The following TEDC2 variants were observed in gnomAD, a reference collection of about 807,000 sequenced individuals.
TEDC2 encodes the protein tubulin epsilon and delta complex protein 2.
A neutral mutation model predicts 48.1 loss-of-function variants in TEDC2; 49 were observed. The ratio of observed to expected loss-of-function variants is 1.02; its 90% CI spans 0.81 to 1.29. The LOEUF is 1.29. Among genes scored for constraint, TEDC2 ranks in the 50% most tolerant of loss-of-function variants. TEDC2 has a pLI of 0.00. For synonymous variants in TEDC2, 299 were observed against 247.1 expected (o/e 1.21, Z -1.97); for missense variants, 631 against 571.4 (o/e 1.10, Z -1.06).
chr16:2,464,105 G>A lies in TEDC2; in HGVS notation c.1031G>A (p.Gly344Glu), dbSNP rs564633721. Reference sequence around the variant, plus strand: ...CCCCCCGGAGCCTCGCCGTCCTGTGGGGGTAGAGCGGAGCCTGCATGGAGC... The same window carrying A: ...CCCCCCGGAGCCTCGCCGTCCTGTGAGGGTAGAGCGGAGCCTGCATGGAGC... ...GRPPGASPSC[G>E]GRAEPAWSPQ... Residue 344 changes from glycine to glutamate, a missense_variant, in exon 9 of 10, where the codon GGG becomes GAG. Transcript: ENST00000361837. The A allele has an allele frequency of 5.0e-6, 8 of 1,612,880 alleles. No individual in the cohort carries two copies. In the African/African-American group the frequency reaches 6.7e-5, roughly 13 times the overall value.
chr16:2,462,631 C>A lies in TEDC2; in HGVS notation c.863C>A (p.Ala288Asp), dbSNP rs2065474117. 1 of 1,542,608 alleles carries A rather than the reference C, an allele frequency of 6.5e-7. No homozygotes were observed. Among genetic ancestry groups the A allele is most frequent in the Non-Finnish European group, 8.7e-7 (1 of 1,143,844 alleles). The change falls in exon 8 of 10, where the codon GCC becomes GAC. Residue 288 changes from alanine (A) to aspartate (D), a missense_variant and splice_region_variant. By Grantham distance (126) the Ala-to-Asp change is moderately radical (BLOSUM62 -2). Transcript: ENST00000361837. ...CCTGCTCTCCCTGACTCTTCTGCAG[C>A]CCCCATGGACTGGATGCAGGAGTAC... ...RLRMREELSA[A>D]PMDWMQEYRC...
rs775519119 is a variant in TEDC2, at chr16:2,462,103, C to G, written c.660-46C>G. On this transcript the variant is annotated intron_variant, in intron 5 of 9. Transcript: ENST00000361837. ...GGCCCAGCTTACTGGCTGGAATAAC[C>G]GTGTCCCTCTGTGGTTCCTCTGTGC... The G allele has an allele frequency of 1.0e-5, 16 of 1,585,174 alleles. No individual in the cohort carries two copies. In the African/African-American group the frequency reaches 1.6e-4, roughly 16 times the overall value.
chr16:2,464,873 G>A lies in TEDC2; in HGVS notation c.*205G>A. 1 of 661,626 alleles carries A rather than the reference G, an allele frequency of 1.5e-6. No homozygotes were observed. Among genetic ancestry groups the A allele is most frequent in the Admixed American group, 3.2e-5 (1 of 31,290 alleles). The allele number at this position is 661,626 out of a possible 1,614,324, so 41.0% of individuals were successfully genotyped here. On this transcript the variant is annotated 3_prime_UTR_variant, in exon 10 of 10. Transcript: ENST00000361837. ...TTCCTAAGGCTCCTGGACTCCAGAG[G>A]CCAGCGGGGAGCCTTTCCTGGCTCC...
At chr16:2,463,203 C>T (rs2065478543) in intron 8 of TEDC2, among the ~76,000 whole-genome samples, 1 of 152,150 alleles carries the variant, frequency 6.6e-6, no homozygotes, top group Non-Finnish European at 1.5e-5. Context: ...CGCCTGTAGT[C>T]CCAGCTACTT....
intron 8 of TEDC2, among the ~76,000 whole-genome samples, chr16:2,463,135 C>T (rs867045256): frequency 3.6e-4 from 54 of 151,028 alleles, no homozygotes; most frequent in South Asian, 2.1e-4. Flanking sequence ...TCCTGGCTAA[C>T]ACGGTGAAAC....
At position 2,462,333 on chromosome 16, in the gene TEDC2, G is replaced by A. The variant is rs1249092111; in HGVS notation, c.751-82G>A. On this transcript the variant is annotated intron_variant, in intron 6 of 9. Coordinates refer to ENST00000361837, the MANE Select transcript of TEDC2 (RefSeq NM_025108.3). Reference sequence around the variant, plus strand: ...CCCCAGGAGGGGCTGGCGTGGGATGGCCAGGGCCACTCCCCAGGCCCCGTT... The same window carrying A: ...CCCCAGGAGGGGCTGGCGTGGGATGACCAGGGCCACTCCCCAGGCCCCGTT... 3 of 1,601,716 alleles carry A rather than the reference G, an allele frequency of 1.9e-6. No homozygotes were observed. The East Asian group carries it at 6.7e-5, about 36-fold the overall frequency.
intron 7 of TEDC2, 49 bp from the exon 8 acceptor site, chr16:2,462,582 G>A (rs1254539014): frequency 6.4e-7 from 1 of 1,551,368 alleles, no homozygotes; most frequent in Non-Finnish European, 8.7e-7. Flanking sequence ...TGCAGGGAGG[G>A]TTTCCAGACT....
At chr16:2,464,254 G>T in intron 9 of TEDC2, 25 bp downstream of exon 9, 2 of 1,605,232 alleles carry the variant, frequency 1.2e-6, no homozygotes, top group South Asian at 1.1e-5. Context: ...GGAGGTGGGG[G>T]TGCAACAGAG....
chr16:2,462,646 TGC>T lies in TEDC2; in HGVS notation c.879_880del (p.Met293IlefsTer53), dbSNP rs916863232. 1.6e-5 allele frequency: 24 copies of T among 1,548,112 alleles called. No homozygotes were observed. The highest frequency in any genetic ancestry group is 1.4e-5 in the Non-Finnish European group (16 of 1,146,956). ...TCTTCTGCAGCCCCCATGGACTGGA[TGC>T]AGGAGTACCGCTGCCTGCTCACGCT... On this transcript the variant is annotated frameshift_variant, in exon 8 of 10. Coordinates refer to ENST00000361837, the MANE Select transcript of TEDC2 (RefSeq NM_025108.3). LOFTEE classifies it high-confidence loss of function.
rs370397912 is a variant in TEDC2, at chr16:2,464,631, G to C, written c.1265G>C (p.Arg422Pro). The C allele has an allele frequency of 6.2e-7, 1 of 1,612,898 alleles. No individual in the cohort carries two copies. The highest frequency in any genetic ancestry group is 8.5e-7 in the Non-Finnish European group (1 of 1,179,980). The change falls in exon 10 of 10, where the codon CGT becomes CCT. Residue 422 changes from arginine to proline, a missense_variant. Physicochemically the swap from Arg to Pro is moderately radical, Grantham distance 103. Transcript: ENST00000361837. ...AGCCTGCTCTGCGAGGGAGGAGCAC[G>C]TGTCCTTACCATCCTGCGGGATGAA... ...VHSLLCEGGA[R>P]VLTILRDEPA...
At chr16:2,461,538 G>T in intron 4 of TEDC2, 1 of 655,628 alleles carries the variant, frequency 1.5e-6, no homozygotes, top group Non-Finnish European at 2.6e-6. Context: ...CCGCTCACAG[G>T]GCCCCCTCTT....
In TEDC2 at chr16:2,460,887, G is replaced by C; in HGVS notation, c.268G>C (p.Val90Leu). ...CCAGGCACTGGAGAAGGCTGTACGA[G>C]TTCGAAGAGGCATCACTAAGGCCGG... Reference protein sequence around the residue: ...LTQALEKAVRVRRGITKAGER... With the variant: ...LTQALEKAVRLRRGITKAGER... The change falls in exon 4 of 10, where the codon GTT becomes CTT. Residue 90 changes from valine (V) to leucine (L), a missense_variant. Physicochemically the swap from Val to Leu is conservative, Grantham distance 32. Coordinates refer to ENST00000361837, the MANE Select transcript of TEDC2 (RefSeq NM_025108.3). The C allele has an allele frequency of 1.9e-6, 3 of 1,613,600 alleles. 1 individual carries two copies. The highest frequency in any genetic ancestry group is 2.2e-5 in the South Asian group (2 of 91,088).
rs1469120168 is a variant in TEDC2 at position 2,460,338 on chromosome 16, T to C, written c.82T>C (p.Leu28=). The C allele has an allele frequency of 1.3e-6, 2 of 1,541,608 alleles. No homozygotes were observed. The highest frequency in any genetic ancestry group is 2.5e-5 in the East Asian group (1 of 40,066). The change falls in exon 2 of 10, where the codon TTG becomes CTG. Residue 28 remains leucine, a synonymous_variant. Transcript: ENST00000361837. ...CGCCTGCGCACAGCGACAATTGCAA[T>C]TGGAGCAGAGCCTGCGCGTTTGCCG... ...LDACAQRQLQ[L]EQSLRVCRRL...
chr16:2,463,048 G>A lies in TEDC2; in HGVS notation c.964+316G>A, dbSNP rs374389720. On this transcript the variant is annotated intron_variant, in intron 8 of 9. Coordinates refer to ENST00000361837, the MANE Select transcript of TEDC2 (RefSeq NM_025108.3). ...AAAAACTAGCATGTGAGGGCCGGGC[G>A]CGGTGGCTCACGCCTGTAATCCCAG... Among the ~76,000 whole-genome samples, 13 of 152,056 alleles carry A rather than the reference G, an allele frequency of 8.5e-5. No homozygotes were observed. The East Asian group carries it at 1.6e-3, about 18-fold the overall frequency.
At chr16:2,461,572 C>T (rs1239125747) in intron 4 of TEDC2, 175 bp from the exon 5 acceptor site, 3 of 738,886 alleles carry the variant, frequency 4.1e-6, no homozygotes, top group East Asian at 2.7e-5. Context: ...CAGCACTGGA[C>T]GATGCTTCTC....
chr16:2,462,794 A>C, intron 8 of TEDC2, 62 bp downstream of exon 8: 1 of 1,433,282 alleles, frequency 7.0e-7, no homozygotes, highest in Non-Finnish European at 9.3e-7. Flanking sequence ...AGGGTGCTTT[A>C]GCCAGGCTTG....
At chr16:2,462,550 CAGG>C (rs767829707) in intron 7 of TEDC2, 24 bp downstream of exon 7, 54 of 1,579,190 alleles carry the variant, frequency 3.4e-5, no homozygotes, top group Admixed American at 1.1e-4. Context: ...GGGTCTGTAT[CAGG>C]AGGAGTGTGG....
chr16:2,460,413 T>A, intron 2 of TEDC2, 32 bp downstream of exon 2: 3 of 1,541,090 alleles, frequency 1.9e-6, no homozygotes, highest in Non-Finnish European at 2.6e-6. Flanking sequence ...TGGCCAGACC[T>A]CCCTCGGGCC....
chr16:2,464,486 C>A (rs1265441524), intron 9 of TEDC2, 36 bp from the exon 10 acceptor site: 1 of 1,524,486 alleles, frequency 6.6e-7, no homozygotes, highest in African/African-American at 1.4e-5. Context: ...GCCTAGGTGC[C>A]CCTGAGACCT....
Sources: allele counts gnomAD v4.1 joint callset (sites outside exome capture counted in the v4.1 genomes callset), GRCh38; gene constraint gnomAD v4.1.1; transcripts MANE v1.5; gene names NCBI Gene and HGNC (gene_info 2026-07-23, HGNC 2026-07-21).